The following BICD1 variants were observed in gnomAD, a reference collection of about 807,000 sequenced individuals.
BICD1 encodes the protein protein bicaudal D homolog 1.
A neutral mutation model predicts 92.5 loss-of-function variants in BICD1; 35 were observed. The ratio of observed to expected loss-of-function variants is 0.38; its 90% CI spans 0.29 to 0.50. The LOEUF is 0.50. BICD1 is among the 20% of genes least tolerant of loss of function. The probability of loss-of-function intolerance (pLI) is 0.93; values close to 1 mark genes in which losing one functional copy is unlikely to be tolerated. For synonymous variants in BICD1, 429 were observed against 465.1 expected (o/e 0.92, Z 1.00); for missense variants, 950 against 1,189.8 (o/e 0.80, Z 2.97).
intron 4 of BICD1, among the ~76,000 whole-genome samples, chr12:32,310,631 G>A (rs141646207): frequency 4.6e-5 from 7 of 152,248 alleles, no homozygotes; most frequent in East Asian, 3.9e-4. Context: ...GAATGACTAC[G>A]TGCAAGCAGT....
intron 1 of BICD1, among the ~76,000 whole-genome samples, chr12:32,194,368 A>G (rs1944663294): frequency 6.6e-6 from 1 of 152,198 alleles, no homozygotes; most frequent in South Asian, 2.1e-4. Flanking sequence ...TAGGCAAGAA[A>G]AAGAAACAAA....
intron 4 of BICD1, among the ~76,000 whole-genome samples, chr12:32,316,875 T>G (rs1474297459): frequency 6.6e-6 from 1 of 152,010 alleles, no homozygotes. Context: ...CCCACAACAG[T>G]CCCCGGTGTG....
intron 8 of BICD1, among the ~76,000 whole-genome samples, chr12:32,358,673 G>C (rs1939211316): frequency 6.6e-6 from 1 of 151,962 alleles, no homozygotes; most frequent in African/African-American, 2.4e-5. Flanking sequence ...GGAGGCGGAG[G>C]TTGCAGTGAG....
At chr12:32,204,503 A>C (rs10771924) in intron 1 of BICD1, among the ~76,000 whole-genome samples, 27,489 of 152,122 alleles carry the variant, frequency 0.18, 2,937 homozygotes, top group East Asian at 0.29. Context: ...AACAACCCTA[A>C]CAATGTAGAG....
intron 3 of BICD1, among the ~76,000 whole-genome samples, chr12:32,295,013 C>T (rs1388025896): frequency 1.4e-5 from 2 of 138,774 alleles, no homozygotes; most frequent in Admixed American, 7.8e-5. Flanking sequence ...ACCCAGGATG[C>T]GGAGGTTGCA....
intron 8 of BICD1, among the ~76,000 whole-genome samples, chr12:32,341,030 T>C (rs1938345343): frequency 1.3e-5 from 2 of 152,198 alleles, no homozygotes; most frequent in Admixed American, 6.5e-5. Context: ...TTTTCCCACA[T>C]TGGGAATCTT....
chr12:32,168,326 C>T (rs1943831792), intron 1 of BICD1, among the ~76,000 whole-genome samples: 1 of 152,050 alleles, frequency 6.6e-6, no homozygotes, highest in South Asian at 2.1e-4. Flanking sequence ...TTCTTGTTTT[C>T]TACTCACATG....
intron 2 of BICD1, among the ~76,000 whole-genome samples, chr12:32,252,432 G>A (rs1486470270): frequency 1.3e-5 from 2 of 152,002 alleles, no homozygotes; most frequent in African/African-American, 2.4e-5. Flanking sequence ...GTGGGAGCAG[G>A]TGGGTGGCAT....
intron 2 of BICD1, among the ~76,000 whole-genome samples, chr12:32,285,683 C>CT (rs1312601224): frequency 1.3e-5 from 2 of 152,162 alleles, no homozygotes. Flanking sequence ...CTAATCCCCT[C>CT]TCCCCTGAGG....
chr12:32,178,013 T>C (rs1460610982), intron 1 of BICD1, among the ~76,000 whole-genome samples: 1 of 151,454 alleles, frequency 6.6e-6, no homozygotes, highest in Non-Finnish European at 1.5e-5. Context: ...ATTGTGATTA[T>C]GGGCATTTTT....
intron 1 of BICD1, among the ~76,000 whole-genome samples, chr12:32,206,945 T>C (rs1945074400): frequency 6.6e-6 from 1 of 152,222 alleles, no homozygotes; most frequent in Admixed American, 6.5e-5. Context: ...TTTCATCATA[T>C]GAATTTTACA....
chr12:32,231,701 C>G (rs1476659000), intron 2 of BICD1, among the ~76,000 whole-genome samples: 1 of 151,688 alleles, frequency 6.6e-6, no homozygotes, highest in Non-Finnish European at 1.5e-5. Context: ...AACTCATCAT[C>G]TAGCATTAGG....
chr12:32,197,024 T>C (rs1314889516), intron 1 of BICD1, among the ~76,000 whole-genome samples: 2 of 136,018 alleles, frequency 1.5e-5, no homozygotes, highest in Non-Finnish European at 3.1e-5. Flanking sequence ...AAGATTTTAC[T>C]TTTTTTTTTT....
chr12:32,151,968 G>A (rs918420999), intron 1 of BICD1, among the ~76,000 whole-genome samples: 1 of 151,816 alleles, frequency 6.6e-6, no homozygotes, highest in Admixed American at 6.6e-5. Flanking sequence ...TTTTGTTTTT[G>A]TTTTTTGAGA....
At chr12:32,347,595 G>A (rs187452194) in intron 8 of BICD1, among the ~76,000 whole-genome samples, 90 of 150,632 alleles carry the variant, frequency 6.0e-4, no homozygotes, top group African/African-American at 2.1e-3. Flanking sequence ...CTGAGATCAC[G>A]CCATTGCACT....
chr12:32,113,227 G>T (rs547076816), intron 1 of BICD1, among the ~76,000 whole-genome samples: 5 of 152,226 alleles, frequency 3.3e-5, no homozygotes, highest in South Asian at 4.2e-4. Context: ...TGGGAGGTAG[G>T]GTGGAACAGG....
rs187808602 is a variant in BICD1, at chr12:32,173,828, T to C, written c.214-42419T>C. 1.2e-4 allele frequency among the ~76,000 whole-genome samples: 19 copies of C among 152,342 alleles called. No individual in the cohort carries two copies. The East Asian group carries it at 3.7e-3, about 29-fold the overall frequency. ...TAAGAAATTTGTATATTTTTGGAAT[T>C]CAGTCAACATTTTTTGGATAAATGA... On this transcript the variant is annotated intron_variant, in intron 1 of 9. Transcript: ENST00000652176.
At chr12:32,318,228 G>T (rs1272041237) in intron 4 of BICD1, among the ~76,000 whole-genome samples, 1 of 151,440 alleles carries the variant, frequency 6.6e-6, no homozygotes, top group Non-Finnish European at 1.5e-5. Flanking sequence ...CTTTAAAGTA[G>T]TTTTTTCCAA....
intron 1 of BICD1, among the ~76,000 whole-genome samples, chr12:32,143,274 G>A (rs1040665780): frequency 6.6e-6 from 1 of 152,034 alleles, no homozygotes; most frequent in African/African-American, 2.4e-5. Context: ...CTCCATTTGT[G>A]CCCTTCTCCA....
Sources: allele counts gnomAD v4.1 joint callset (sites outside exome capture counted in the v4.1 genomes callset), GRCh38; gene constraint gnomAD v4.1.1; transcripts MANE v1.5; gene names NCBI Gene and HGNC (gene_info 2026-07-23, HGNC 2026-07-21).